RRM2: variants seen among roughly 807,000 people sequenced by gnomAD.
RRM2 encodes ribonucleoside-diphosphate reductase subunit M2.
Under a neutral mutation model 45.9 loss-of-function variants are expected in RRM2, and 6 were observed. The observed-to-expected ratio is 0.13, with a 90% CI of 0.07 to 0.26. The LOEUF (loss-of-function observed/expected upper bound fraction) is 0.26, where lower values mean the gene tolerates loss of function less well. RRM2 is among the 10% of genes least tolerant of loss of function. The pLI, the probability that RRM2 is intolerant of heterozygous loss-of-function variation, is 1.00. For synonymous variants in RRM2, 177 were observed against 173.0 expected, an observed-to-expected ratio of 1.02 and a Z score of -0.18; for missense variants, 343 against 489.5, an observed-to-expected ratio of 0.70 and a Z score of 2.82.
intron 1 of RRM2, chr2:10,141,760 C>T (rs1287673198): frequency 3.4e-6 from 5 of 1,449,302 alleles, no homozygotes; most frequent in Non-Finnish European, 4.5e-6. Context: ...AAACAGAGCC[C>T]CAGGAGGTGG....
rs374636741 is a variant in RRM2, at chr2:10,182,706, C to T, written n.483-27605C>T. ...TAATAGGATGAGCCATGAGGACCGG[C>T]AGCTACATATCAGTGGTTTGAAGCA... On this transcript the variant is annotated intron_variant and non_coding_transcript_variant, in intron 3 of 3. Coordinates refer to the RRM2 transcript ENST00000381786. 2.0e-4 allele frequency among the ~76,000 whole-genome samples: 30 copies of T among 152,294 alleles called. 2 individuals are homozygous for T. Among genetic ancestry groups the T allele is most frequent in the Admixed American group, 1.2e-3 (19 of 15,300 alleles).
At chr2:10,142,898 G>A (rs532539165) in intron 3 of RRM2, among the ~76,000 whole-genome samples, 1 of 152,186 alleles carries the variant, frequency 6.6e-6, no homozygotes, top group Non-Finnish European at 1.5e-5. Flanking sequence ...TTTTGAGACA[G>A]AGTCTTGCTC....
At chr2:10,196,900 G>T (rs895078437) in intron 3 of RRM2, among the ~76,000 whole-genome samples, 1 of 152,164 alleles carries the variant, frequency 6.6e-6, no homozygotes, top group South Asian at 2.1e-4. Flanking sequence ...CCCTGGGAGC[G>T]CATCCCTTTT....
At chr2:10,134,523 C>T (rs916096966), downstream of RRM2, among the ~76,000 whole-genome samples, 2 of 152,198 alleles carry the variant, frequency 1.3e-5, no homozygotes, top group Admixed American at 6.6e-5. Context: ...GGTCTAGGAA[C>T]TACTCAAAGA....
intron 3 of RRM2, among the ~76,000 whole-genome samples, chr2:10,168,429 C>G (rs1663726720): frequency 6.6e-6 from 1 of 152,204 alleles, no homozygotes; most frequent in Non-Finnish European, 1.5e-5. Flanking sequence ...CGCTCTGGGC[C>G]TCCTTCCTGG....
rs371198441 is a variant in RRM2, at chr2:10,126,248, C to G, written c.570-627C>G. On this transcript the variant is annotated intron_variant, in intron 5 of 9. Coordinates refer to ENST00000304567, the MANE Select transcript of RRM2 (RefSeq NM_001034.4). ...GAACACAAAGTCATCTGGGTAGGAA[C>G]AGTCTGGGAAATGAGTAGCCTCTCA... 2.7e-4 allele frequency among the ~76,000 whole-genome samples: 38 copies of G among 141,628 alleles called. 1 individual carries two copies. The East Asian group carries it at 8.1e-3, about 30-fold the overall frequency. 92.9% of individuals were successfully genotyped at this position (141,628 alleles called of 152,430 possible).
intron 3 of RRM2, among the ~76,000 whole-genome samples, chr2:10,157,536 C>T (rs1409886627): frequency 6.6e-6 from 1 of 152,208 alleles, no homozygotes; most frequent in African/African-American, 2.4e-5. Context: ...CCACTTCCAT[C>T]CCCAGAGATG....
At chr2:10,189,376 G>A (rs958181688) in intron 3 of RRM2, among the ~76,000 whole-genome samples, 1 of 152,240 alleles carries the variant, frequency 6.6e-6, no homozygotes, top group Non-Finnish European at 1.5e-5. Context: ...TCAGCCACGA[G>A]CCAGTGCCAT....
upstream of RRM2, among the ~76,000 whole-genome samples, chr2:10,139,767 G>A (rs898173129): frequency 6.6e-6 from 1 of 152,196 alleles, no homozygotes; most frequent in African/African-American, 2.4e-5. Flanking sequence ...AACACAGAGA[G>A]TGGTCTGTTG....
chr2:10,161,482 C>T lies in RRM2; in HGVS notation n.482+19107C>T, dbSNP rs114968753. On this transcript the variant is annotated intron_variant and non_coding_transcript_variant, in intron 3 of 3. Coordinates refer to the RRM2 transcript ENST00000381786. ...GGGGCACAGCCTCTTGCAGGTGTGT[C>T]ACGTGGCAACCTGGACCAGGGATCT... Among the ~76,000 whole-genome samples the T allele has an allele frequency of 6.2e-3, 938 of 152,316 alleles. 11 individuals carry two copies. Among genetic ancestry groups the T allele is most frequent in the African/African-American group, 0.021 (876 of 41,574 alleles).
At chr2:10,124,021 A>G in intron 4 of RRM2, 169 bp downstream of exon 4, 2 of 627,314 alleles carry the variant, frequency 3.2e-6, no homozygotes, top group East Asian at 5.4e-5. Flanking sequence ...GTTCTTTCTT[A>G]TGGTATTTTC....
upstream of RRM2, among the ~76,000 whole-genome samples, chr2:10,136,834 G>A (rs1365158214): frequency 6.6e-6 from 1 of 152,124 alleles, no homozygotes; most frequent in Non-Finnish European, 1.5e-5. Flanking sequence ...AGGACCCCAT[G>A]AGCCACACTT....
intron 3 of RRM2, 90 bp downstream of exon 3, chr2:10,123,620 C>T: frequency 1.3e-6 from 2 of 1,518,694 alleles, no homozygotes; most frequent in Middle Eastern, 1.7e-4. Flanking sequence ...GCAAGGGGGG[C>T]TAACTGTGGG....
intron 3 of RRM2, among the ~76,000 whole-genome samples, chr2:10,178,577 CA>C (rs1357440613): frequency 2.0e-5 from 3 of 152,150 alleles, no homozygotes; most frequent in Non-Finnish European, 2.9e-5. Context: ...TGGCAACCAC[CA>C]ATCTGTTCTC....
chr2:10,136,214 CA>C (rs1289531778), downstream of RRM2, among the ~76,000 whole-genome samples: 4 of 152,182 alleles, frequency 2.6e-5, no homozygotes, highest in Non-Finnish European at 5.9e-5. Context: ...GCAACGTGGC[CA>C]CACTGGAATC....
At chr2:10,132,410 G>C (rs1040685448), downstream of RRM2, among the ~76,000 whole-genome samples, 2 of 152,162 alleles carry the variant, frequency 1.3e-5, no homozygotes, top group East Asian at 1.9e-4. Context: ...GGTCTCATGG[G>C]GGGAGATGAT....
chr2:10,196,750 T>C (rs1363506828), intron 3 of RRM2, among the ~76,000 whole-genome samples: 1 of 152,202 alleles, frequency 6.6e-6, no homozygotes, highest in Non-Finnish European at 1.5e-5. Flanking sequence ...GGGTTCGCTG[T>C]GGCCAGATGC....
At position 10,204,547 on chromosome 2, in the gene RRM2, C is replaced by T. The variant is rs994991109; in HGVS notation, n.483-5764C>T. Among the ~76,000 whole-genome samples the T allele has an allele frequency of 6.6e-6, 1 of 152,230 alleles. No homozygotes were observed. The highest frequency in any genetic ancestry group is 1.9e-4 in the East Asian group (1 of 5,198). The stretch of plus-strand genomic sequence containing the variant: ...CTGTGACCCCGCCAGCCCTGCTCAG[C>T]GCTGTGCCCAGCCCTGGGTGCAGGG... On this transcript the variant is annotated intron_variant and non_coding_transcript_variant, in intron 3 of 3. Coordinates refer to the RRM2 transcript ENST00000381786. This position sits in a 1 kb window ranked among gnomAD's most constrained non-coding sequence, Gnocchi z 4.0.
rs542340860 is a variant in RRM2, at chr2:10,182,746, C to T, written n.483-27565C>T. 1.6e-4 allele frequency among the ~76,000 whole-genome samples: 25 copies of T among 152,342 alleles called. 1 individual carries two copies. Among genetic ancestry groups the T allele is most frequent in the Admixed American group, 5.2e-4 (8 of 15,300 alleles). On this transcript the variant is annotated intron_variant and non_coding_transcript_variant, in intron 3 of 3. Transcript: ENST00000381786. ...GGTTTGAAGCAAATGGTTGCCAAGT[C>T]GCTCCTCTCCCTCCCAGGTCATCAC...
Sources: gnomAD v4.1 joint callset for allele counts (sites outside exome capture counted in the v4.1 genomes callset) on GRCh38, gnomAD v4.1.1 for gene constraint, Gnocchi (gnomAD v3.1) non-coding constraint, MANE v1.5 for transcripts, NCBI Gene and HGNC (gene_info 2026-07-23, HGNC 2026-07-21) for gene names.